SCARB2: variants seen among roughly 807,000 people sequenced by gnomAD.
The protein encoded by SCARB2 is scavenger receptor class B member 2.
A neutral mutation model predicts 58.6 loss-of-function variants in SCARB2; 29 were observed. The ratio of observed to expected loss-of-function variants is 0.49; its 90% CI spans 0.37 to 0.67. The LOEUF (loss-of-function observed/expected upper bound fraction) is 0.67. Ranked by LOEUF, SCARB2 falls within the 30% of genes least tolerant of loss-of-function variation. SCARB2 has a pLI of 0.00. For missense variants in SCARB2, 488 were observed against 578.5 expected (o/e 0.84, Z 1.60); for synonymous variants, 195 against 210.1 (o/e 0.93, Z 0.62).
chr4:76,214,738 G>C (rs1292650028), upstream of SCARB2, among the ~76,000 whole-genome samples: 4 of 152,164 alleles, frequency 2.6e-5, no homozygotes, highest in Admixed American at 6.5e-5. Context: ...CCCTTTACTA[G>C]TTTCTTTGCA....
upstream of SCARB2, among the ~76,000 whole-genome samples, chr4:76,218,390 A>G (rs1051004994): frequency 1.3e-5 from 2 of 152,200 alleles, no homozygotes; most frequent in African/African-American, 4.8e-5. Flanking sequence ...CTTTATGCAG[A>G]TAGGCTTACA....
At chr4:76,216,847 A>G (rs1220069499), upstream of SCARB2, among the ~76,000 whole-genome samples, 1 of 152,248 alleles carries the variant, frequency 6.6e-6, no homozygotes, top group Non-Finnish European at 1.5e-5. Context: ...CTAATTACAG[A>G]AAATATAAAC....
rs1453164241 is a variant in SCARB2, at chr4:76,230,660, G to A, written c.-358+3643C>T. Among the ~76,000 whole-genome samples the A allele has an allele frequency of 3.3e-5, 5 of 152,160 alleles. No homozygotes were observed. The South Asian group carries it at 1.0e-3, about 31-fold the overall frequency. On this transcript the variant is annotated intron_variant, in intron 1 of 11. Coordinates refer to the SCARB2 transcript ENST00000638295. Reference sequence around the variant, plus strand: ...TGGGGTATGTGAGAGAGAGAGGAAAGAGCGTCCTCTTTCCCTCTTCTGTCC... The same window carrying A: ...TGGGGTATGTGAGAGAGAGAGGAAAAAGCGTCCTCTTTCCCTCTTCTGTCC...
At chr4:76,210,358 A>G (rs777334767) in intron 1 of SCARB2, among the ~76,000 whole-genome samples, 17 of 152,096 alleles carry the variant, frequency 1.1e-4, no homozygotes, top group Non-Finnish European at 1.8e-4. Context: ...TTCTCAGGAC[A>G]CTCTTCTTTC....
In SCARB2 at chr4:76,174,199, T is replaced by C. The variant is rs769868985; in HGVS notation, c.939A>G (p.Ile313Met). The part of the protein sequence containing the change: ...ANTSDNAGFC[I>M]PEGNCLGSGV... ...CTGAGCCCAGGCAGTTTCCCTCAGG[T>C]ATACAGAAGCCGGCATTGTCTGACG... Residue 313 changes from isoleucine to methionine, a missense_variant, in exon 7 of 12, where the codon ATA becomes ATG. Ile to Met is a conservative substitution (Grantham distance 10). Coordinates refer to ENST00000264896, the MANE Select transcript of SCARB2 (RefSeq NM_005506.4). 1 of 1,614,176 alleles carries C rather than the reference T, an allele frequency of 6.2e-7. No homozygotes were observed. Among genetic ancestry groups the C allele is most frequent in the Non-Finnish European group, 8.5e-7 (1 of 1,180,038 alleles).
At chr4:76,188,220 A>C (rs531310876) in intron 2 of SCARB2, among the ~76,000 whole-genome samples, 27 of 152,244 alleles carry the variant, frequency 1.8e-4, no homozygotes, top group Non-Finnish European at 3.7e-4. Flanking sequence ...ATGGGATACC[A>C]CAACTTTGAT....
At chr4:76,216,627 TCTAAACA>T (rs1733212204), upstream of SCARB2, among the ~76,000 whole-genome samples, 2 of 152,336 alleles carry the variant, frequency 1.3e-5, no homozygotes, top group South Asian at 2.1e-4. Flanking sequence ...TGGGAGAGTT[TCTAAACA>T]AGGGTTTACA....
chr4:76,174,724 G>T, intron 6 of SCARB2: 1 of 245,294 alleles, frequency 4.1e-6, no homozygotes, highest in Non-Finnish European at 8.1e-6. Context: ...CGATGGCCGT[G>T]GCCTCGTAGG....
rs7676834 is a variant in SCARB2 at position 76,180,484 on chromosome 4, C to G, written c.423+470G>C. 34,312 of 153,956 alleles carry G rather than the reference C, an allele frequency of 0.22. 4,708 individuals carry two copies. The highest frequency in any genetic ancestry group is 0.39 in the African/African-American group (16,143 of 41,470). 9.5% of individuals were successfully genotyped at this position (153,956 alleles called of 1,614,324 possible). On this transcript the variant is annotated intron_variant, in intron 3 of 11. Transcript: ENST00000264896. The stretch of plus-strand genomic sequence containing the variant: ...GAATTACCATTATAAACAGAGCCCA[C>G]TGAAATCACAGTAGGCTGCCAGTCT...
rs201322892 is a variant in SCARB2, at chr4:76,181,144, T to A, written c.276-43A>T. 556 of 1,585,516 alleles carry A rather than the reference T, an allele frequency of 3.5e-4. 1 individual carries two copies. Among genetic ancestry groups the A allele is most frequent in the Non-Finnish European group, 7.3e-5 (84 of 1,157,750 alleles). On this transcript the variant is annotated intron_variant, in intron 2 of 11. Coordinates refer to ENST00000264896, the MANE Select transcript of SCARB2 (RefSeq NM_005506.4). ...GTTTTATTTGAAAATAGACACCACT[T>A]TAATAAGCAAGACTTTTCCTTTCTT...
At position 76,195,723 on chromosome 4, in the gene SCARB2, C is replaced by G. The variant is rs753043202; in HGVS notation, c.259G>C (p.Gly87Arg). Residue 87 changes from glycine (G) to arginine (R), a missense_variant, in exon 2 of 12, where the codon GGG becomes CGG. Physicochemically the swap from Gly to Arg is moderately radical, Grantham distance 125. Transcript: ENST00000264896. ...AAGACTTACCTGTAGGTGTATGGCC[C>G]CACTTCTTCCACCCGAGGGGTCTCC... ...RGETPRVEEV[G>R]PYTYRELRNK... is the part of the protein sequence containing the mutation. 1 of 1,614,012 alleles carries G rather than the reference C, an allele frequency of 6.2e-7. No homozygotes were observed. Among genetic ancestry groups the G allele is most frequent in the South Asian group, 1.1e-5 (1 of 91,060 alleles).
intron 1 of SCARB2, chr4:76,213,224 T>C (rs946150419): frequency 1.6e-6 from 1 of 620,286 alleles, no homozygotes; most frequent in Non-Finnish European, 2.9e-6. Context: ...TACTTATCAC[T>C]GTAAAGGGAA....
chr4:76,226,547 G>C (rs550041932), intron 1 of SCARB2, among the ~76,000 whole-genome samples: 1 of 152,224 alleles, frequency 6.6e-6, no homozygotes, highest in East Asian at 1.9e-4. Context: ...AGTGCTGTGG[G>C]GCAGCCTTCC....
rs111770499 is a variant in SCARB2, at chr4:76,207,692, C to T, written c.117+5735G>A. On this transcript the variant is annotated intron_variant, in intron 1 of 11. Transcript: ENST00000264896. ...TGATATGGCCAGGAATGTCTAGTAA[C>T]TTGGCCAACATCCTATGTTTTCATC... Among the ~76,000 whole-genome samples the T allele has an allele frequency of 5.6e-3, 851 of 152,302 alleles. 11 individuals are homozygous for T. Among genetic ancestry groups the T allele is most frequent in the Non-Finnish European group, 9.4e-3 (640 of 68,034 alleles).
At chr4:76,166,025 A>G (rs528367276) in intron 10 of SCARB2, 28 of 612,384 alleles carry the variant, frequency 4.6e-5, no homozygotes, top group African/African-American at 3.3e-4. Context: ...TTTTGCCCAA[A>G]TAGTGTTCTT....
intron 1 of SCARB2, among the ~76,000 whole-genome samples, chr4:76,200,610 C>G (rs1219217988): frequency 2.0e-5 from 3 of 152,214 alleles, no homozygotes; most frequent in Non-Finnish European, 4.4e-5. Flanking sequence ...AACCAACATG[C>G]ATGTAACAGG....
intron 6 of SCARB2, 50 bp downstream of exon 6, chr4:76,175,741 G>A (rs566230711): frequency 7.5e-6 from 12 of 1,604,606 alleles, no homozygotes; most frequent in East Asian, 4.5e-5. Flanking sequence ...TGGTGGTCTT[G>A]CAGTGAAAGA....
chr4:76,208,554 G>GT (rs1732975977), intron 1 of SCARB2, among the ~76,000 whole-genome samples: 1 of 152,206 alleles, frequency 6.6e-6, no homozygotes, highest in African/African-American at 2.4e-5. Context: ...GCCCGGATGA[G>GT]TACAGAGCCA....
intron 1 of SCARB2, among the ~76,000 whole-genome samples, chr4:76,229,241 G>A (rs2109984689): frequency 6.6e-6 from 1 of 152,186 alleles, no homozygotes; most frequent in African/African-American, 2.4e-5. Context: ...GTTCATCCAT[G>A]TCTTGTATTG....
Sources: allele counts gnomAD v4.1 joint callset (sites outside exome capture counted in the v4.1 genomes callset), GRCh38; gene constraint gnomAD v4.1.1; transcripts MANE v1.5; gene names NCBI Gene and HGNC (gene_info 2026-07-23, HGNC 2026-07-21).